The following RBFOX1 variants were observed in gnomAD, a reference collection of about 807,000 sequenced individuals.
RBFOX1 encodes RNA binding fox-1 homolog 1, also known as RNA binding protein fox-1 homolog 1.
A neutral mutation model predicts 57.7 loss-of-function variants in RBFOX1; 8 were observed. The observed-to-expected ratio is 0.14, with a 90% CI of 0.08 to 0.25. The LOEUF is 0.25. RBFOX1 is among the 10% of genes least tolerant of loss of function. RBFOX1 has a pLI of 1.00. For missense variants in RBFOX1, 611 were observed against 548.5 expected, an observed-to-expected ratio of 1.11 and a Z score of -1.14; for synonymous variants, 326 against 222.4, an observed-to-expected ratio of 1.47 and a Z score of -4.15.
At chr16:6,468,690 C>T (rs758803356) in intron 2 of RBFOX1, among the ~76,000 whole-genome samples, 1 of 151,934 alleles carries the variant, frequency 6.6e-6, no homozygotes, top group African/African-American at 2.4e-5. Flanking sequence ...AAATGTTGAG[C>T]CTAGATTTTT....
At chr16:5,943,607 G>A (rs1243234900) in intron 4 of RBFOX1, among the ~76,000 whole-genome samples, 1 of 152,118 alleles carries the variant, frequency 6.6e-6, no homozygotes, top group South Asian at 2.1e-4. Context: ...CTTGGCCAAG[G>A]TGCTTGTCTT....
At position 7,680,332 on chromosome 16, in the gene RBFOX1, T is replaced by C. The variant is rs1376444025; in HGVS notation, c.995+3494T>C. Among the ~76,000 whole-genome samples the C allele has an allele frequency of 2.0e-5, 3 of 152,148 alleles. No homozygotes were observed. The East Asian group carries it at 5.8e-4, about 29-fold the overall frequency. On this transcript the variant is annotated intron_variant, in intron 14 of 15. Transcript: ENST00000550418. ...ACTGTGCCACAAATATTTGGGAAAATGTGATGTGTACATGGCTTTGATGAA... is the reference window on the plus strand; with the variant it reads ...ACTGTGCCACAAATATTTGGGAAAACGTGATGTGTACATGGCTTTGATGAA...
intron 3 of RBFOX1, among the ~76,000 whole-genome samples, chr16:5,820,786 C>G (rs2055821006): frequency 6.6e-6 from 1 of 152,192 alleles, no homozygotes; most frequent in African/African-American, 2.4e-5. Flanking sequence ...TTAAGACGAT[C>G]AGACAGTTAG....
intron 1 of RBFOX1, among the ~76,000 whole-genome samples, chr16:6,042,773 T>G (rs1253872685): frequency 6.6e-6 from 1 of 151,966 alleles, no homozygotes; most frequent in Admixed American, 6.6e-5. Flanking sequence ...ACATGAAAGG[T>G]ATACATTGGT....
At chr16:6,974,827 C>T (rs934462379) in intron 3 of RBFOX1, among the ~76,000 whole-genome samples, 1 of 152,074 alleles carries the variant, frequency 6.6e-6, no homozygotes, top group Non-Finnish European at 1.5e-5. Flanking sequence ...GGCTTGTAGT[C>T]CTTTTACTTC....
At chr16:5,845,260 G>C (rs558560165) in intron 3 of RBFOX1, among the ~76,000 whole-genome samples, 1 of 152,032 alleles carries the variant, frequency 6.6e-6, no homozygotes, top group Non-Finnish European at 1.5e-5. Context: ...AGTTTACAAA[G>C]CATTTCCACC....
Position 5,989,394 on chromosome 16 carries a change from A to G in RBFOX1, c.351+122059A>G, listed in dbSNP as rs1009420805. On this transcript the variant is annotated intron_variant, in intron 4 of 19. Transcript: ENST00000641259. ...ACTTAATTACAGGGGGTTTCCCTAT[A>G]AAATGAGAAAATATGCAGGAAGAAC... Among the ~76,000 whole-genome samples, 5 of 152,254 alleles carry G rather than the reference A, an allele frequency of 3.3e-5. 1 individual carries two copies. The South Asian group carries it at 1.0e-3, about 32-fold the overall frequency.
intron 4 of RBFOX1, among the ~76,000 whole-genome samples, chr16:7,125,928 C>CA (rs2151892778): frequency 6.6e-6 from 1 of 152,156 alleles, no homozygotes; most frequent in Admixed American, 6.5e-5. Flanking sequence ...ACTAAAAATA[C>CA]AAAAATTACC....
Position 5,790,251 on chromosome 16 carries a change from C to T in RBFOX1, c.319-77052C>T, listed in dbSNP as rs375271699. On this transcript the variant is annotated intron_variant, in intron 3 of 19. Coordinates refer to the RBFOX1 transcript ENST00000641259. The stretch of plus-strand genomic sequence containing the variant: ...CAGTTCCATGGCCATGCCTTGTGGC[C>T]TGTGAGCTGGGAAGTGGAGCCCAGT... 1.5e-4 allele frequency among the ~76,000 whole-genome samples: 23 copies of T among 152,322 alleles called. 1 individual carries two copies. In the East Asian group the frequency reaches 2.9e-3, roughly 19 times the overall value.
chr16:6,227,365 A>T (rs2097425755), intron 1 of RBFOX1, among the ~76,000 whole-genome samples: 1 of 152,140 alleles, frequency 6.6e-6, no homozygotes, highest in South Asian at 2.1e-4. Context: ...CATTTTCAGA[A>T]AGAGTGTTTT....
At chr16:6,837,732 G>T (rs557812531) in intron 3 of RBFOX1, among the ~76,000 whole-genome samples, 1 of 152,276 alleles carries the variant, frequency 6.6e-6, no homozygotes, top group African/African-American at 2.4e-5. Flanking sequence ...ATAAACATTA[G>T]TTATCTTTAA....
intron 5 of RBFOX1, among the ~76,000 whole-genome samples, chr16:7,579,097 T>C (rs975065736): frequency 3.9e-5 from 6 of 152,242 alleles, no homozygotes; most frequent in African/African-American, 1.4e-4. Flanking sequence ...GAAATGCAGC[T>C]AATGCAAACA....
chr16:5,332,183 T>C (rs2064774144), intron 1 of RBFOX1, among the ~76,000 whole-genome samples: 1 of 152,206 alleles, frequency 6.6e-6, no homozygotes, highest in East Asian at 1.9e-4. Context: ...GTTTTATTTA[T>C]TGTTTCTTTT....
chr16:5,902,348 T>C (rs957010912), intron 4 of RBFOX1, among the ~76,000 whole-genome samples: 1 of 152,206 alleles, frequency 6.6e-6, no homozygotes, highest in Admixed American at 6.5e-5. Context: ...ATCCTCTGTT[T>C]TCCCACAGAG....
At chr16:7,681,790 A>G (rs775915415) in intron 14 of RBFOX1, among the ~76,000 whole-genome samples, 92 of 152,116 alleles carry the variant, frequency 6.0e-4, no homozygotes, top group Non-Finnish European at 8.5e-4. Flanking sequence ...GAAAGTACAC[A>G]TGCAAAGCAG....
chr16:7,208,751 T>G (rs1160332941), intron 4 of RBFOX1, among the ~76,000 whole-genome samples: 1 of 152,094 alleles, frequency 6.6e-6, no homozygotes, highest in Non-Finnish European at 1.5e-5. Context: ...GCAAGAAGAT[T>G]ATTTGAGTCC....
chr16:7,281,989 C>A (rs189931184), intron 4 of RBFOX1, among the ~76,000 whole-genome samples: 1 of 152,128 alleles, frequency 6.6e-6, no homozygotes, highest in South Asian at 2.1e-4. Context: ...CCTCAGCGTC[C>A]GGAGTAGCTG....
At chr16:7,684,105 C>A (rs1568444391) in intron 14 of RBFOX1, among the ~76,000 whole-genome samples, 1 of 152,090 alleles carries the variant, frequency 6.6e-6, no homozygotes, top group Admixed American at 6.6e-5. Flanking sequence ...GTACTTACCA[C>A]AAGTTGAAAT....
chr16:6,546,956 A>C (rs935408341), intron 2 of RBFOX1, among the ~76,000 whole-genome samples: 2 of 152,170 alleles, frequency 1.3e-5, no homozygotes, highest in Non-Finnish European at 2.9e-5. Flanking sequence ...GATTCAATTA[A>C]CTTTCAAAAA....
Sources: allele counts gnomAD v4.1 joint callset (sites outside exome capture counted in the v4.1 genomes callset), GRCh38; gene constraint gnomAD v4.1.1; transcripts MANE v1.5; gene names NCBI Gene and HGNC (gene_info 2026-07-23, HGNC 2026-07-21).